The following TMEM232 variants were observed in gnomAD, a reference collection of about 807,000 sequenced individuals.
The protein encoded by TMEM232 is transmembrane protein 232.
A neutral mutation model predicts 78.8 loss-of-function variants in TMEM232; 80 were observed. That is an observed-to-expected ratio of 1.01 (90% CI 0.85 to 1.22). TMEM232 has a LOEUF of 1.22. Ranked by LOEUF, TMEM232 falls within the 50% of genes most tolerant of loss-of-function variation. The probability of loss-of-function intolerance (pLI) is 0.00; values close to 1 mark genes in which losing one functional copy is unlikely to be tolerated. For missense variants in TMEM232, 881 were observed against 742.2 expected, an observed-to-expected ratio of 1.19 and a Z score of -2.17; for synonymous variants, 297 against 254.3, an observed-to-expected ratio of 1.17 and a Z score of -1.60.
chr5:110,499,888 T>C (rs569360077), intron 12 of TMEM232, among the ~76,000 whole-genome samples: 1 of 152,298 alleles, frequency 6.6e-6, no homozygotes, highest in East Asian at 1.9e-4. Context: ...ATCAACTACT[T>C]TGTCCTAATT....
At chr5:110,702,000 T>C (rs1795481693) in intron 1 of TMEM232, among the ~76,000 whole-genome samples, 2 of 151,998 alleles carry the variant, frequency 1.3e-5, no homozygotes. Context: ...AATTCTTGTA[T>C]ACCCCACTCC....
upstream of TMEM232, among the ~76,000 whole-genome samples, chr5:110,738,458 C>G (rs117918973): frequency 3.9e-5 from 6 of 152,266 alleles, no homozygotes; most frequent in East Asian, 1.2e-3. Flanking sequence ...GGGTTTCTTT[C>G]ACCCCCGACG....
intron 1 of TMEM232, among the ~76,000 whole-genome samples, chr5:110,706,243 A>C (rs912766461): frequency 1.3e-5 from 2 of 152,306 alleles, no homozygotes; most frequent in Non-Finnish European, 2.9e-5. Flanking sequence ...AGGTACAAAT[A>C]CAAAGAAAAA....
intron 11 of TMEM232, among the ~76,000 whole-genome samples, chr5:110,565,063 T>G (rs1581231632): frequency 1.3e-5 from 2 of 152,080 alleles, no homozygotes; most frequent in East Asian, 3.9e-4. Context: ...TTCCTCCAAA[T>G]ATTTTGCTAA....
chr5:110,471,999 G>A (rs150342389), intron 12 of TMEM232, among the ~76,000 whole-genome samples: 1 of 152,108 alleles, frequency 6.6e-6, no homozygotes, highest in Non-Finnish European at 1.5e-5. Flanking sequence ...AGAAGAAAGA[G>A]ATAAGTTCCT....
At chr5:110,695,492 C>CA (rs1185687470) in intron 1 of TMEM232, among the ~76,000 whole-genome samples, 183 of 152,082 alleles carry the variant, frequency 1.2e-3, no homozygotes, top group Non-Finnish European at 1.9e-3. Context: ...AAAAACCCCT[C>CA]AAAAAATCAA....
At chr5:110,578,555 C>G (rs1482535124) in intron 10 of TMEM232, among the ~76,000 whole-genome samples, 1 of 151,916 alleles carries the variant, frequency 6.6e-6, no homozygotes, top group Non-Finnish European at 1.5e-5. Context: ...AATTTGTTCA[C>G]CTATAACTGC....
At chr5:110,704,919 G>A (rs1343694053) in intron 1 of TMEM232, among the ~76,000 whole-genome samples, 2 of 151,966 alleles carry the variant, frequency 1.3e-5, no homozygotes, top group Non-Finnish European at 2.9e-5. Context: ...TTCTTGTTCT[G>A]GGGGTCAGGG....
At chr5:110,638,673 G>A (rs1786239736) in intron 4 of TMEM232, among the ~76,000 whole-genome samples, 2 of 152,154 alleles carry the variant, frequency 1.3e-5, no homozygotes, top group African/African-American at 2.4e-5. Flanking sequence ...ACTAGCTTTG[G>A]AACCCTAAGC....
intron 12 of TMEM232, among the ~76,000 whole-genome samples, chr5:110,457,120 C>G (rs1343096254): frequency 3.3e-5 from 5 of 152,018 alleles, no homozygotes; most frequent in African/African-American, 1.2e-4. Context: ...AAACAAATCT[C>G]TGACAAAGGA....
intron 12 of TMEM232, among the ~76,000 whole-genome samples, chr5:110,471,770 G>A (rs1309733185): frequency 6.6e-6 from 1 of 151,980 alleles, no homozygotes; most frequent in Non-Finnish European, 1.5e-5. Context: ...TACAAAACAT[G>A]ACTATGACAG....
intron 8 of TMEM232, among the ~76,000 whole-genome samples, chr5:110,616,198 C>G (rs1161341942): frequency 6.6e-6 from 1 of 151,958 alleles, no homozygotes; most frequent in Admixed American, 6.6e-5. Flanking sequence ...GTAATCAAAA[C>G]AGCACGGCAA....
intron 1 of TMEM232, among the ~76,000 whole-genome samples, chr5:110,697,702 C>T (rs573775187): frequency 3.5e-4 from 54 of 152,292 alleles, no homozygotes; most frequent in Non-Finnish European, 7.1e-4. Context: ...AAAAAATGCT[C>T]ATCATCACTG....
intron 1 of TMEM232, among the ~76,000 whole-genome samples, chr5:110,695,480 C>CA (rs1213056747): frequency 2.6e-5 from 4 of 152,040 alleles, no homozygotes; most frequent in Non-Finnish European, 4.4e-5. Context: ...AATAGAGACA[C>CA]AAAAAACCCC....
At chr5:110,609,313 A>T (rs1236909718) in intron 8 of TMEM232, among the ~76,000 whole-genome samples, 3 of 152,094 alleles carry the variant, frequency 2.0e-5, no homozygotes, top group Admixed American at 6.6e-5. Context: ...TAAAGCTGAA[A>T]GCAATAAGGA....
At chr5:110,447,612 G>T (rs771622577) in intron 12 of TMEM232, among the ~76,000 whole-genome samples, 72 of 152,078 alleles carry the variant, frequency 4.7e-4, no homozygotes, top group Non-Finnish European at 9.3e-4. Flanking sequence ...ATTATTTGCT[G>T]CAGGAACTGG....
chr5:110,429,718 C>A (rs188520030), intron 12 of TMEM232, among the ~76,000 whole-genome samples: 16 of 151,790 alleles, frequency 1.1e-4, no homozygotes, highest in African/African-American at 3.6e-4. Flanking sequence ...AATGTCTTCC[C>A]CCCTTATCCC....
At chr5:110,406,242 T>C (rs973850954) in intron 2 of TMEM232, among the ~76,000 whole-genome samples, 1 of 147,456 alleles carries the variant, frequency 6.8e-6, no homozygotes, top group Non-Finnish European at 1.5e-5. Flanking sequence ...TCAACTTTCA[T>C]CTACCTATGA....
chr5:110,436,769 T>C (rs1758482013), intron 12 of TMEM232, among the ~76,000 whole-genome samples: 1 of 152,014 alleles, frequency 6.6e-6, no homozygotes, highest in Non-Finnish European at 1.5e-5. Context: ...TCACTGTAGC[T>C]ATGTGGATTT....
Sources: allele counts gnomAD v4.1 joint callset (sites outside exome capture counted in the v4.1 genomes callset), GRCh38; gene constraint gnomAD v4.1.1; transcripts MANE v1.5; gene names NCBI Gene and HGNC (gene_info 2026-07-23, HGNC 2026-07-21).